Variants in AP3B1 observed in about 807,000 individuals in gnomAD.
AP3B1 encodes the protein adaptor related protein complex 3 subunit beta 1.
Under a neutral mutation model 132.5 loss-of-function variants are expected in AP3B1, and 61 were observed. The ratio of observed to expected loss-of-function variants is 0.46; its 90% CI spans 0.37 to 0.57. The LOEUF is 0.57. AP3B1 is among the 20% of genes least tolerant of loss of function. AP3B1 has a pLI of 0.00. For missense variants in AP3B1, 1,120 were observed against 1,289.4 expected, an observed-to-expected ratio of 0.87 and a Z score of 2.01; for synonymous variants, 388 against 438.3, an observed-to-expected ratio of 0.89 and a Z score of 1.43.
At chr5:78,248,688 C>A (rs34943315) in intron 2 of AP3B1, among the ~76,000 whole-genome samples, 43,069 of 151,834 alleles carry the variant, frequency 0.28, 6,660 homozygotes, top group Middle Eastern at 0.41. Flanking sequence ...GCCTAAATAT[C>A]CATCTGGTAT....
At chr5:78,134,408 C>T (rs762913070) in intron 15 of AP3B1, among the ~76,000 whole-genome samples, 1 of 152,122 alleles carries the variant, frequency 6.6e-6, no homozygotes, top group Non-Finnish European at 1.5e-5. Flanking sequence ...ATTGGTTCTA[C>T]ATTGCTGTTA....
intron 7 of AP3B1, among the ~76,000 whole-genome samples, chr5:78,205,324 CTG>C (rs1287111218): frequency 1.3e-5 from 2 of 152,048 alleles, no homozygotes; most frequent in African/African-American, 4.8e-5. Context: ...TCTCTTCAGA[CTG>C]TATAAATCTT....
intron 14 of AP3B1, among the ~76,000 whole-genome samples, chr5:78,148,883 T>C (rs1753524619): frequency 6.6e-6 from 1 of 152,196 alleles, no homozygotes; most frequent in African/African-American, 2.4e-5. Flanking sequence ...CTGGGGGCTG[T>C]ATCACTTCGT....
chr5:78,016,819 G>A (rs895930783), intron 25 of AP3B1, among the ~76,000 whole-genome samples: 1 of 151,948 alleles, frequency 6.6e-6, no homozygotes, highest in Non-Finnish European at 1.5e-5. Flanking sequence ...TCAATATTAG[G>A]CAAAAGCTTT....
intron 23 of AP3B1, among the ~76,000 whole-genome samples, chr5:78,034,823 T>A (rs1173001225): frequency 6.6e-6 from 1 of 151,950 alleles, no homozygotes; most frequent in Non-Finnish European, 1.5e-5. Context: ...TAAGAGGTTA[T>A]GTACTTAAAA....
intron 2 of AP3B1, among the ~76,000 whole-genome samples, chr5:78,250,870 T>C (rs1747601837): frequency 6.6e-6 from 1 of 151,886 alleles, no homozygotes; most frequent in African/African-American, 2.4e-5. Context: ...GAAAGGATAA[T>C]GTCAAAAATT....
At chr5:78,213,891 A>G (rs1402626946) in intron 7 of AP3B1, among the ~76,000 whole-genome samples, 1 of 152,222 alleles carries the variant, frequency 6.6e-6, no homozygotes, top group African/African-American at 2.4e-5. Context: ...AAGCCAATGG[A>G]TCTTTCTCAA....
At chr5:78,255,101 T>C (rs975821968) in intron 2 of AP3B1, among the ~76,000 whole-genome samples, 9 of 151,502 alleles carry the variant, frequency 5.9e-5, no homozygotes, top group Admixed American at 3.3e-4. Flanking sequence ...ACAAGATATA[T>C]AGAAAAAGTA....
intron 13 of AP3B1, among the ~76,000 whole-genome samples, chr5:78,158,371 C>A (rs1163468329): frequency 6.6e-6 from 1 of 151,970 alleles, no homozygotes; most frequent in East Asian, 1.9e-4. Context: ...GCAGGAGAAT[C>A]ACCTGGGCCA....
chr5:78,225,406 A>T lies in AP3B1; in HGVS notation c.603+136T>A, dbSNP rs1746361574. The T allele has an allele frequency of 8.4e-6, 4 of 478,306 alleles. No individual in the cohort carries two copies. In the South Asian group the frequency reaches 1.6e-4, roughly 19 times the overall value. The allele number at this position is 478,306 out of a possible 1,614,324, so 29.6% of individuals were successfully genotyped here. On this transcript the variant is annotated intron_variant, in intron 6 of 26. Coordinates refer to ENST00000255194, the MANE Select transcript of AP3B1 (RefSeq NM_003664.5). Reference sequence around the variant, plus strand: ...TTACATGAAAATTTTTGTTCTTTAAAAATAGTCCTGTGTGCCATTAATATT... The same window carrying T: ...TTACATGAAAATTTTTGTTCTTTAATAATAGTCCTGTGTGCCATTAATATT...
chr5:78,086,136 AC>A (rs139132182), intron 22 of AP3B1, among the ~76,000 whole-genome samples: 2,350 of 152,190 alleles, frequency 0.015, 57 homozygotes, highest in African/African-American at 0.052. Context: ...ACTTTGAATC[AC>A]CCTTTCCTTG....
At chr5:78,121,417 G>T (rs1335051985) in intron 17 of AP3B1, among the ~76,000 whole-genome samples, 1 of 152,030 alleles carries the variant, frequency 6.6e-6, no homozygotes, top group Non-Finnish European at 1.5e-5. Flanking sequence ...CTGCTTTTTT[G>T]AAAAGATCAA....
intron 21 of AP3B1, among the ~76,000 whole-genome samples, chr5:78,096,147 A>T (rs1299519154): frequency 6.6e-6 from 1 of 152,120 alleles, no homozygotes; most frequent in Non-Finnish European, 1.5e-5. Context: ...AGTGCCTGCG[A>T]TGGCAGGCGC....
At chr5:78,227,273 A>G in intron 5 of AP3B1, 99 bp downstream of exon 5, 1 of 1,151,412 alleles carries the variant, frequency 8.7e-7, no homozygotes. Flanking sequence ...TTAGTGTAAG[A>G]GCAGCCTACC....
intron 22 of AP3B1, among the ~76,000 whole-genome samples, chr5:78,068,143 G>A (rs1749373241): frequency 6.6e-6 from 1 of 152,088 alleles, no homozygotes; most frequent in Non-Finnish European, 1.5e-5. Context: ...TGACCAACAT[G>A]GAGAAACCCC....
chr5:78,176,710 T>G lies in AP3B1; in HGVS notation c.1040+629A>C, dbSNP rs532024603. ...TGTCATGGAAACTCAATAAATTGTT[T>G]TGAATCGTTAACCTAAACCACTAAA... On this transcript the variant is annotated intron_variant, in intron 9 of 26. Transcript: ENST00000255194. Among the ~76,000 whole-genome samples, 16 of 152,300 alleles carry G rather than the reference T, an allele frequency of 1.1e-4. 1 individual carries two copies. In the South Asian group the frequency reaches 3.3e-3, roughly 32 times the overall value.
intron 21 of AP3B1, among the ~76,000 whole-genome samples, chr5:78,094,001 G>A (rs1162377567): frequency 2.0e-5 from 3 of 152,176 alleles, no homozygotes; most frequent in Non-Finnish European, 4.4e-5. Flanking sequence ...TCAACAATGT[G>A]ATATCACATA....
At chr5:78,272,264 T>C (rs1247507361) in intron 1 of AP3B1, among the ~76,000 whole-genome samples, 1 of 150,548 alleles carries the variant, frequency 6.6e-6, no homozygotes, top group African/African-American at 2.4e-5. Flanking sequence ...ACCTCACATG[T>C]ACTAACTGAT....
intron 12 of AP3B1, among the ~76,000 whole-genome samples, chr5:78,163,579 ATGTG>A (rs1231383841): frequency 6.8e-6 from 1 of 147,336 alleles, no homozygotes; most frequent in Middle Eastern, 3.4e-3. Context: ...TAAAGGGTAT[ATGTG>A]TGTGTGTGTA....
Sources: allele counts gnomAD v4.1 joint callset (sites outside exome capture counted in the v4.1 genomes callset), GRCh38; gene constraint gnomAD v4.1.1; transcripts MANE v1.5; gene names NCBI Gene and HGNC (gene_info 2026-07-23, HGNC 2026-07-21).